The following NIPBL variants were observed in gnomAD, a reference collection of about 807,000 sequenced individuals.
NIPBL encodes NIPBL cohesin loading factor, also known as nipped-B-like protein.
NIPBL carries 19 observed loss-of-function variants against 321.8 expected under a neutral mutation model. That is an observed-to-expected ratio of 0.06 (90% CI 0.04 to 0.09). NIPBL has a LOEUF of 0.09. Among genes scored for constraint, NIPBL ranks in the 10% least tolerant of loss-of-function variants. The pLI is 1.00. For synonymous variants in NIPBL, 1,106 were observed against 1,114.1 expected, an observed-to-expected ratio of 0.99 and a Z score of 0.14; for missense variants, 2,210 against 3,327.0, an observed-to-expected ratio of 0.66 and a Z score of 8.26.
intron 15 of NIPBL, among the ~76,000 whole-genome samples, chr5:37,003,055 G>A (rs781224581): frequency 1.3e-5 from 2 of 151,114 alleles, no homozygotes; most frequent in Non-Finnish European, 2.9e-5. Flanking sequence ...TTTAAATGCA[G>A]AAATATATTA....
chr5:37,021,743 A>G (rs1241198739), intron 27 of NIPBL, among the ~76,000 whole-genome samples: 1 of 152,222 alleles, frequency 6.6e-6, no homozygotes. Flanking sequence ...ATGATACTAA[A>G]TATCTTTGAT....
intron 1 of NIPBL, among the ~76,000 whole-genome samples, chr5:36,913,404 A>T (rs1464355353): frequency 6.7e-4 from 93 of 139,468 alleles, no homozygotes; most frequent in South Asian, 1.8e-3. Context: ...TTTTTTTTTT[A>T]AAAAGACAGA....
Position 37,064,519 on chromosome 5 carries a change from T to C in NIPBL, c.8050-8T>C. 2 of 1,611,946 alleles carry C rather than the reference T, an allele frequency of 1.2e-6. No individual in the cohort carries two copies. The highest frequency in any genetic ancestry group is 1.7e-6 in the Non-Finnish European group (2 of 1,180,002). ...CTTGGTCTTTTTTCCCCCCTCCCAA[T>C]GTTTTAGTCATTGAGAAGGTCAAAA... On this transcript the variant is annotated splice_region_variant and splice_polypyrimidine_tract_variant and intron_variant, in intron 46 of 46. Transcript: ENST00000282516.
intron 21 of NIPBL, among the ~76,000 whole-genome samples, chr5:37,013,944 G>T (rs1272684875): frequency 6.6e-6 from 1 of 152,240 alleles, no homozygotes; most frequent in African/African-American, 2.4e-5. Flanking sequence ...ACGAGACTCC[G>T]TCTGCAATCC....
At chr5:37,058,865 G>GT (rs776538812) in intron 43 of NIPBL, 26 bp from the exon 44 acceptor site, 16 of 1,611,020 alleles carry the variant, frequency 9.9e-6, no homozygotes, top group East Asian at 2.2e-5. Flanking sequence ...TGTTTTTATT[G>GT]TTTATCAAAC....
chr5:37,048,486 TTCCCC>T lies in NIPBL; in HGVS notation c.6590-13_6590-9del, dbSNP rs1753193071. The stretch of plus-strand genomic sequence containing the variant: ...TTAATATGAATATATGATGAGATTT[TTCCCC>T]TCTCCCATAGGATTTGCCTTTATTC... On this transcript the variant is annotated splice_polypyrimidine_tract_variant and intron_variant, in intron 38 of 46. Transcript: ENST00000282516. The T allele has an allele frequency of 6.6e-7, 1 of 1,508,298 alleles. No individual in the cohort carries two copies. Among genetic ancestry groups the T allele is most frequent in the Non-Finnish European group, 8.9e-7 (1 of 1,119,648 alleles). 93.4% of individuals were successfully genotyped at this position (1,508,298 alleles called of 1,614,324 possible). A position where few individuals can be genotyped will look rare whatever the true frequency, so the allele number is the denominator to read the frequency against.
chr5:37,044,342 T>TA lies in NIPBL; in HGVS notation c.6109-4dup. ...ATTCATAAAGCATTAATTTTATTCT[T>TA]ATAGACGCAAAATGATTTCATGGTT... On this transcript the variant is annotated splice_polypyrimidine_tract_variant and splice_region_variant and intron_variant, in intron 34 of 46. Transcript: ENST00000282516. The TA allele has an allele frequency of 6.2e-7, 1 of 1,612,990 alleles. No individual in the cohort carries two copies. The highest frequency in any genetic ancestry group is 8.5e-7 in the Non-Finnish European group (1 of 1,179,204).
intron 1 of NIPBL, among the ~76,000 whole-genome samples, chr5:36,920,870 TCTC>T (rs1748883592): frequency 6.6e-6 from 1 of 151,752 alleles, no homozygotes; most frequent in Non-Finnish European, 1.5e-5. Context: ...TCTCTCATTC[TCTC>T]CTCTGTATTG....
chr5:36,970,263 G>A (rs1742702618), intron 6 of NIPBL, among the ~76,000 whole-genome samples: 1 of 151,828 alleles, frequency 6.6e-6, no homozygotes, highest in South Asian at 2.1e-4. Context: ...GCAGTTTCCT[G>A]TAGTCCTAGC....
chr5:36,888,585 A>G (rs1387820063), intron 1 of NIPBL, among the ~76,000 whole-genome samples: 1 of 152,176 alleles, frequency 6.6e-6, no homozygotes, highest in Non-Finnish European at 1.5e-5. Context: ...AACTAAAGAA[A>G]TGCTGTGGGA....
chr5:37,045,279 G>A (rs969908872), intron 36 of NIPBL, among the ~76,000 whole-genome samples, 164 bp from the exon 37 acceptor site: 32 of 152,068 alleles, frequency 2.1e-4, no homozygotes, highest in African/African-American at 7.2e-4. Flanking sequence ...ACTTGAACAC[G>A]GGAGGCGGAG....
At chr5:37,006,157 G>A (rs1747403554) in intron 16 of NIPBL, among the ~76,000 whole-genome samples, 200 bp from the exon 17 acceptor site, 2 of 152,034 alleles carry the variant, frequency 1.3e-5, no homozygotes, top group Non-Finnish European at 2.9e-5. Context: ...ATGAGGTAGA[G>A]TATATCACGT....
At chr5:36,975,640 TA>T in intron 8 of NIPBL, 135 bp from the exon 9 acceptor site, 1 of 861,184 alleles carries the variant, frequency 1.2e-6, no homozygotes, top group Non-Finnish European at 1.8e-6. Flanking sequence ...TCATCTTTCG[TA>T]AATAAGTAGC....
At chr5:36,993,527 G>A (rs901485635) in intron 10 of NIPBL, among the ~76,000 whole-genome samples, 15 of 152,090 alleles carry the variant, frequency 9.9e-5, no homozygotes, top group African/African-American at 3.4e-4. Context: ...TGCAGAGAGA[G>A]CACAAGAACT....
intron 42 of NIPBL, among the ~76,000 whole-genome samples, chr5:37,054,729 C>T (rs1320814075): frequency 2.0e-5 from 3 of 151,728 alleles, no homozygotes; most frequent in African/African-American, 7.3e-5. Flanking sequence ...GCCTGAAGGC[C>T]CAGAGGGATA....
At chr5:36,975,498 T>C (rs910933194) in intron 8 of NIPBL, among the ~76,000 whole-genome samples, 15 of 152,102 alleles carry the variant, frequency 9.9e-5, no homozygotes, top group African/African-American at 3.6e-4. Flanking sequence ...TATGTATACT[T>C]TATAGGCACA....
chr5:36,961,714 C>T (rs540344190), intron 5 of NIPBL, 131 bp downstream of exon 5: 4 of 728,010 alleles, frequency 5.5e-6, no homozygotes, highest in Non-Finnish European at 9.8e-6. Context: ...AAATAGTAAT[C>T]CACTTTGCAT....
Position 37,048,531 on chromosome 5 carries a change from A to G in NIPBL, c.6619A>G (p.Met2207Val). The G allele has an allele frequency of 6.3e-7, 1 of 1,585,114 alleles. No individual in the cohort carries two copies. Among genetic ancestry groups the G allele is most frequent in the Non-Finnish European group, 8.6e-7 (1 of 1,165,630 alleles). ...TGCCTTTATTCAGCATCCAAGTCTA[A>G]TGTTCGAGCAAGAAGTGAAGAATCT... The part of the protein sequence containing the change: ...GFAFIQHPSL[M>V]FEQEVKNLYN... Residue 2207 changes from methionine (M) to valine (V), a missense_variant, in exon 39 of 47, where the codon ATG (methionine) becomes GTG (valine). Around this residue, in one of 14 missense-constraint regions of NIPBL, gnomAD observed 40 missense variants for 55.3 expected, o/e 0.72. Transcript: ENST00000282516.
At chr5:37,015,311 A>G (rs1748819847) in intron 22 of NIPBL, among the ~76,000 whole-genome samples, 1 of 152,042 alleles carries the variant, frequency 6.6e-6, no homozygotes, top group South Asian at 2.1e-4. Context: ...TTCAGTAGAG[A>G]CGGGGTTTCC....
Sources: gnomAD v4.1 joint callset for allele counts (sites outside exome capture counted in the v4.1 genomes callset) on GRCh38, gnomAD v4.1.1 for gene constraint, gnomAD v4.1.1 regional missense constraint, MANE v1.5 for transcripts, NCBI Gene and HGNC (gene_info 2026-07-23, HGNC 2026-07-21) for gene names.